The following THSD7A variants were observed in gnomAD, a reference collection of about 807,000 sequenced individuals.
THSD7A encodes the protein thrombospondin type 1 domain containing 7A.
A neutral mutation model predicts 231.3 loss-of-function variants in THSD7A; 96 were observed. That is an observed-to-expected ratio of 0.41 (90% CI 0.35 to 0.49). THSD7A has a LOEUF of 0.49. Among genes scored for constraint, THSD7A ranks in the 20% least tolerant of loss-of-function variants. THSD7A has a pLI of 0.05. For synonymous variants in THSD7A, 940 were observed against 743.3 expected, an observed-to-expected ratio of 1.26 and a Z score of -4.30; for missense variants, 2,290 against 2,070.2, an observed-to-expected ratio of 1.11 and a Z score of -2.06.
intron 11 of THSD7A, among the ~76,000 whole-genome samples, chr7:11,452,818 T>C (rs1341493653): frequency 1.3e-5 from 2 of 152,050 alleles, no homozygotes; most frequent in African/African-American, 4.8e-5. Flanking sequence ...AGGATGCTAA[T>C]ATTCATAGGA....
chr7:11,400,213 T>A (rs924785659), intron 23 of THSD7A, among the ~76,000 whole-genome samples: 3 of 149,854 alleles, frequency 2.0e-5, no homozygotes, highest in Non-Finnish European at 4.5e-5. Flanking sequence ...CTAATGTAAA[T>A]GACGAGTTAA....
At position 11,474,629 on chromosome 7, in the gene THSD7A, C is replaced by T; in HGVS notation, c.2018-61G>A. The T allele has an allele frequency of 7.4e-7, 1 of 1,351,144 alleles. No individual in the cohort carries two copies. Among genetic ancestry groups the T allele is most frequent in the Non-Finnish European group, 1.0e-6 (1 of 983,848 alleles). The allele number at this position is 1,351,144 out of a possible 1,614,324, so 83.7% of individuals were successfully genotyped here. A position where few individuals can be genotyped will look rare whatever the true frequency, so the allele number is the denominator to read the frequency against. On this transcript the variant is annotated intron_variant, in intron 7 of 27. Transcript: ENST00000423059. The surrounding 1 kb of genome is among the most constrained non-coding windows in gnomAD (Gnocchi z 4.1). The stretch of plus-strand genomic sequence containing the variant: ...GTGCCAACAGGAACCTTACCATACT[C>T]TGTTCTTTGGAATTAACATGGCTTA...
At chr7:11,481,004 A>T (rs1050115403) in intron 7 of THSD7A, among the ~76,000 whole-genome samples, 1 of 152,190 alleles carries the variant, frequency 6.6e-6, no homozygotes, top group Non-Finnish European at 1.5e-5. Context: ...TAATATGAAC[A>T]AACTTGATTT....
intron 2 of THSD7A, among the ~76,000 whole-genome samples, chr7:11,599,416 C>T (rs112343949): frequency 0.066 from 10,050 of 152,140 alleles, 508 homozygotes; most frequent in East Asian, 0.23. Flanking sequence ...AAAAGAAGAC[C>T]GTAATTGTCA....
intron 6 of THSD7A, among the ~76,000 whole-genome samples, chr7:11,500,971 G>C (rs1312281756): frequency 6.7e-6 from 1 of 150,312 alleles, no homozygotes; most frequent in Non-Finnish European, 1.5e-5. Context: ...AAAAGGAGTT[G>C]CAATCCTAAT....
At chr7:11,785,591 T>A (rs1385590410) in intron 1 of THSD7A, among the ~76,000 whole-genome samples, 1 of 152,176 alleles carries the variant, frequency 6.6e-6, no homozygotes, top group African/African-American at 2.4e-5. Flanking sequence ...TTATTGTTAA[T>A]CCTGTCCCTT....
chr7:11,659,178 G>A (rs901744439), intron 1 of THSD7A, among the ~76,000 whole-genome samples: 2 of 151,602 alleles, frequency 1.3e-5, no homozygotes, highest in African/African-American at 2.4e-5. Context: ...TTACACATTT[G>A]GTTACAGTAG....
chr7:11,752,491 T>C (rs1386797655), intron 1 of THSD7A, among the ~76,000 whole-genome samples: 2 of 152,088 alleles, frequency 1.3e-5, no homozygotes, highest in Admixed American at 1.3e-4. Flanking sequence ...TAATTGTTCA[T>C]TTAGGGAAGA....
intron 24 of THSD7A, among the ~76,000 whole-genome samples, chr7:11,380,940 T>C (rs943000533): frequency 6.6e-6 from 1 of 152,182 alleles, no homozygotes; most frequent in East Asian, 1.9e-4. Context: ...ATTGGGGGAA[T>C]AGCCCCAATT....
intron 1 of THSD7A, among the ~76,000 whole-genome samples, chr7:11,738,835 C>G (rs112862613): frequency 8.9e-4 from 135 of 152,060 alleles, no homozygotes; most frequent in African/African-American, 3.0e-3. Context: ...TAAGAGTAAC[C>G]AAAGTCCTGC....
At chr7:11,424,583 T>C in intron 16 of THSD7A, 113 bp downstream of exon 16, 1 of 1,460,964 alleles carries the variant, frequency 6.8e-7, no homozygotes, top group Non-Finnish European at 9.3e-7. Context: ...AAAGCAAAAC[T>C]GCAGACAATT....
At chr7:11,491,551 C>G (rs562811862) in intron 6 of THSD7A, among the ~76,000 whole-genome samples, 21 of 152,050 alleles carry the variant, frequency 1.4e-4, no homozygotes, top group Non-Finnish European at 2.5e-4. Flanking sequence ...TCTGGAAGTG[C>G]TATGATACAG....
intron 23 of THSD7A, among the ~76,000 whole-genome samples, chr7:11,386,201 G>C (rs1782736855): frequency 6.6e-6 from 1 of 152,160 alleles, no homozygotes; most frequent in Non-Finnish European, 1.5e-5. Context: ...CTTTATAATA[G>C]AATGGTTCAT....
chr7:11,635,778 T>C (rs971818176), intron 2 of THSD7A, among the ~76,000 whole-genome samples: 21 of 152,110 alleles, frequency 1.4e-4, no homozygotes, highest in African/African-American at 4.8e-4. Flanking sequence ...AAAATAAGTA[T>C]CTGAATTTAA....
Position 11,590,616 on chromosome 7 carries a change from T to C in THSD7A, c.1297A>G (p.Thr433Ala). ...ATYGWRTTEW[T>A]ECRVDPLLSQ... ...AGCAAAGGGTCCACACGGCACTCAG[T>C]CCACTCTGTAGTTCTCCAGCCATAC... is the stretch of plus-strand genomic sequence containing the variant. The change falls in exon 4 of 28, where the codon ACT becomes GCT. Residue 433 changes from threonine to alanine, a missense_variant. Coordinates refer to ENST00000423059, the MANE Select transcript of THSD7A (RefSeq NM_015204.3). The surrounding 1 kb of genome is among the most constrained non-coding windows in gnomAD (Gnocchi z 4.4). 2 of 1,612,438 alleles carry C rather than the reference T, an allele frequency of 1.2e-6. No individual in the cohort carries two copies. Among genetic ancestry groups the C allele is most frequent in the Non-Finnish European group, 1.7e-6 (2 of 1,179,218 alleles).
At chr7:11,712,020 C>T (rs1052726785) in intron 1 of THSD7A, among the ~76,000 whole-genome samples, 2 of 150,992 alleles carry the variant, frequency 1.3e-5, no homozygotes, top group Non-Finnish European at 3.0e-5. Context: ...AACCTTCCTC[C>T]CAGCTAAGAA....
rs1441539133 is a variant in THSD7A, at chr7:11,406,514, A to G, written c.4063-40T>C. ...GAAATAACTAATTAGAAAAAGAGAA[A>G]TACTTCATTAGAGAGCTCATCACTT... On this transcript the variant is annotated intron_variant, in intron 21 of 27. Coordinates refer to ENST00000423059, the MANE Select transcript of THSD7A (RefSeq NM_015204.3). The surrounding 1 kb of genome is among the most constrained non-coding windows in gnomAD (Gnocchi z 4.7). The G allele has an allele frequency of 1.3e-6, 2 of 1,543,042 alleles. No homozygotes were observed. The highest frequency in any genetic ancestry group is 1.2e-5 in the South Asian group (1 of 80,444).
At chr7:11,486,459 C>T (rs911549093) in intron 6 of THSD7A, among the ~76,000 whole-genome samples, 1 of 152,174 alleles carries the variant, frequency 6.6e-6, no homozygotes, top group Non-Finnish European at 1.5e-5. Flanking sequence ...CATATTCATC[C>T]ACCAGATGTC....
intron 1 of THSD7A, among the ~76,000 whole-genome samples, chr7:11,638,783 T>A (rs1470924583): frequency 1.3e-5 from 2 of 152,154 alleles, no homozygotes; most frequent in Non-Finnish European, 2.9e-5. Flanking sequence ...AGAAAGCCAG[T>A]GGGTTTGTTG....
Sources: gnomAD v4.1 joint callset for allele counts (sites outside exome capture counted in the v4.1 genomes callset) on GRCh38, gnomAD v4.1.1 for gene constraint, Gnocchi (gnomAD v3.1) non-coding constraint, MANE v1.5 for transcripts, NCBI Gene and HGNC (gene_info 2026-07-23, HGNC 2026-07-21) for gene names.